Variants in CREB3L4 observed in about 807,000 individuals in gnomAD.
CREB3L4 encodes the protein cyclic AMP-responsive element-binding protein 3-like protein 4.
Under a neutral mutation model 37.0 loss-of-function variants are expected in CREB3L4, and 28 were observed. The observed-to-expected ratio is 0.76, with a 90% CI of 0.56 to 1.04. CREB3L4 has a LOEUF of 1.04. Ranked by LOEUF, CREB3L4 falls within the 50% of genes least tolerant of loss-of-function variation. The pLI is 0.00. For synonymous variants in CREB3L4, 175 were observed against 192.2 expected (o/e 0.91, Z 0.74); for missense variants, 462 against 486.0 (o/e 0.95, Z 0.46).
At position 153,974,149 on chromosome 1, in the gene CREB3L4, A is replaced by T; in HGVS notation, c.*84A>T. ...GGCTTTGCTTCCCACTGGGATTCCT[A>T]CTTAGGTGTCTGCCCTCAGGGGTCC... On this transcript the variant is annotated 3_prime_UTR_variant, in exon 10 of 10. Transcript: ENST00000368607. 1.5e-6 allele frequency: 2 copies of T among 1,351,874 alleles called. No homozygotes were observed. Among genetic ancestry groups the T allele is most frequent in the Non-Finnish European group, 2.0e-6 (2 of 980,288 alleles). The allele number at this position is 1,351,874 out of a possible 1,614,324, so 83.7% of individuals were successfully genotyped here. A position where few individuals can be genotyped will look rare whatever the true frequency, so the allele number is the denominator to read the frequency against.
rs141048946 is a variant in CREB3L4, at chr1:153,973,012, G to A, written c.677G>A (p.Arg226His). 19 of 1,614,170 alleles carry A rather than the reference G, an allele frequency of 1.2e-5. No individual in the cohort carries two copies. The African/African-American group carries it at 1.6e-4, about 14-fold the overall frequency. ...RVLKKVRRKI[R>H]NKQSAQDSRR... is the part of the protein sequence containing the mutation. ...CTCAAGAAGGTCAGGAGGAAAATCC[G>A]TAACAAGCAGTCAGCTCAGGACAGT... The change falls in exon 6 of 10, where the codon CGT (arginine) becomes CAT (histidine). Residue 226 changes from arginine to histidine, a missense_variant. By Grantham distance (29) the Arg-to-His change is conservative (BLOSUM62 0). Transcript: ENST00000368607.
At chr1:153,971,174 C>T (rs1169761717) in intron 4 of CREB3L4, among the ~76,000 whole-genome samples, 6 of 150,684 alleles carry the variant, frequency 4.0e-5, no homozygotes, top group East Asian at 2.0e-4. Flanking sequence ...TCGAGACCAG[C>T]CTGGCCAACA....
intron 4 of CREB3L4, among the ~76,000 whole-genome samples, chr1:153,971,681 C>T (rs1648396229): frequency 6.6e-6 from 1 of 150,850 alleles, no homozygotes; most frequent in African/African-American, 2.4e-5. Context: ...AGAGACACTC[C>T]TCTAATAGTT....
At position 153,972,989 on chromosome 1, in the gene CREB3L4, C is replaced by A. The variant is rs1418788395; in HGVS notation, c.654C>A (p.Leu218=). The A allele has an allele frequency of 1.2e-6, 2 of 1,613,974 alleles. No individual in the cohort carries two copies. The highest frequency in any genetic ancestry group is 1.7e-6 in the Non-Finnish European group (2 of 1,180,024). ...LPLTKAEERV[L]KKVRRKIRNK... is the part of the protein sequence containing the mutation. ...CCTCCAAGGCAGAGGAGAGGGTCCT[C>A]AAGAAGGTCAGGAGGAAAATCCGTA... The change falls in exon 6 of 10, where the codon CTC becomes CTA. Residue 218 remains leucine, a synonymous_variant. Transcript: ENST00000368607.
Position 153,972,583 on chromosome 1 carries a change from T to C in CREB3L4, c.544-161T>C, listed in dbSNP as rs538912046. On this transcript the variant is annotated intron_variant, in intron 4 of 9. Transcript: ENST00000368607. ...TCCCTTTGGCTTGATCTAGAGCCTG[T>C]CTGAATTAAAGTCTCTGCCCCTCAC... Among the ~76,000 whole-genome samples, 44 of 152,200 alleles carry C rather than the reference T, an allele frequency of 2.9e-4. No homozygotes were observed. The East Asian group carries it at 8.5e-3, about 29-fold the overall frequency.
In CREB3L4 at chr1:153,973,953, C is replaced by T; in HGVS notation, c.1076C>T (p.Pro359Leu). ...GTGGTAGAGTCCAGACTGAGGGAGC[C>T]ACCTGGAGCCAAGGATGCAAATGGC... ...TQVVESRLRE[P>L]PGAKDANGST... The change falls in exon 10 of 10, where the codon CCA (proline) becomes CTA (leucine). Residue 359 changes from proline to leucine, a missense_variant. By Grantham distance (98) the Pro-to-Leu change is moderately conservative. Coordinates refer to ENST00000368607, the MANE Select transcript of CREB3L4 (RefSeq NM_001255978.2). 6.2e-7 allele frequency: 1 copy of T among 1,614,160 alleles called. No individual in the cohort carries two copies. The highest frequency in any genetic ancestry group is 8.5e-7 in the Non-Finnish European group (1 of 1,180,010).
At chr1:153,968,744 CTG>C in intron 2 of CREB3L4, 45 bp downstream of exon 2, 3 of 1,608,896 alleles carry the variant, frequency 1.9e-6, no homozygotes, top group African/African-American at 1.3e-5. Flanking sequence ...AGACACAACT[CTG>C]TGATAAGAGG....
intron 4 of CREB3L4, 120 bp downstream of exon 4, chr1:153,969,575 C>T (rs1648143407): frequency 9.2e-6 from 11 of 1,202,132 alleles, no homozygotes; most frequent in Non-Finnish European, 7.1e-6. Context: ...GTTTTTGTGG[C>T]ATTGGGCCTG....
intron 9 of CREB3L4, 21 bp from the exon 10 acceptor site, chr1:153,973,851 C>T: frequency 6.2e-7 from 1 of 1,612,098 alleles, no homozygotes; most frequent in South Asian, 1.1e-5. Context: ...CTACTACTGC[C>T]CTCTTGCCTT....
In CREB3L4 at chr1:153,968,571, C is replaced by T. The variant is rs778294347; in HGVS notation, c.46C>T (p.Pro16Ser). ...PDLLDAWLEP[P>S]EDIFSTGSVL... The stretch of plus-strand genomic sequence containing the variant: ...CCTGCTGGACGCGTGGCTGGAGCCC[C>T]CAGAGGATATCTTCTCGACAGGATC... Residue 16 changes from proline (P) to serine (S), a missense_variant, in exon 2 of 10, where the codon CCA (proline) becomes TCA (serine). Pro to Ser is a moderately conservative substitution (Grantham distance 74). Coordinates refer to ENST00000368607, the MANE Select transcript of CREB3L4 (RefSeq NM_001255978.2). The T allele has an allele frequency of 5.0e-6, 8 of 1,614,116 alleles. No individual in the cohort carries two copies. In the Admixed American group the frequency reaches 6.7e-5, roughly 13 times the overall value.
intron 4 of CREB3L4, among the ~76,000 whole-genome samples, chr1:153,970,936 G>C (rs1488428587): frequency 6.7e-6 from 1 of 148,560 alleles, no homozygotes; most frequent in Non-Finnish European, 1.5e-5. Context: ...GTAGAGATGG[G>C]GTTTCACCAT....
In CREB3L4 at chr1:153,972,670, G is replaced by A. The variant is rs1648489309; in HGVS notation, c.544-74G>A. On this transcript the variant is annotated intron_variant, in intron 4 of 9. Transcript: ENST00000368607. Reference sequence around the variant, plus strand: ...ACACTCTCCAGAAGGCATGTGGGGGGAGTAGCCTGGGTGCTGCAAATGGGA... The same window carrying A: ...ACACTCTCCAGAAGGCATGTGGGGGAAGTAGCCTGGGTGCTGCAAATGGGA... 5.1e-6 allele frequency: 6 copies of A among 1,182,048 alleles called. No individual in the cohort carries two copies. The Admixed American group carries it at 5.7e-5, about 11-fold the overall frequency. 73.2% of individuals were successfully genotyped at this position (1,182,048 alleles called of 1,614,324 possible).
At chr1:153,971,571 TTTTC>T (rs1209042544) in intron 4 of CREB3L4, among the ~76,000 whole-genome samples, 2,048 of 135,514 alleles carry the variant, frequency 0.015, 7 homozygotes, top group Middle Eastern at 0.037. Flanking sequence ...GGCCACTCTG[TTTTC>T]TTTTTCTTTT....
intron 1 of CREB3L4, 63 bp from the exon 2 acceptor site, chr1:153,968,459 A>G: frequency 1.3e-6 from 2 of 1,487,218 alleles, no homozygotes; most frequent in East Asian, 2.3e-5. Flanking sequence ...CAGAAACTGT[A>G]GGGGGTAGTA....
At chr1:153,970,404 ACACAGAAATGGGACAGGC>A (rs1332838317) in intron 4 of CREB3L4, among the ~76,000 whole-genome samples, 1 of 152,200 alleles carries the variant, frequency 6.6e-6, no homozygotes. Context: ...TTGGGTCAGG[ACACAGAAATGGGACAGGC>A]CACCTGGGAA....
Position 153,974,089 on chromosome 1 carries a change from A to C in CREB3L4, c.*24A>C. 6.2e-7 allele frequency: 1 copy of C among 1,602,670 alleles called. No individual in the cohort carries two copies. ...GAGCTGGAACAGACCTTCCTGGCCC[A>C]CTTCCTGATCACAAGGAATCCTGGG... On this transcript the variant is annotated 3_prime_UTR_variant, in exon 10 of 10. Coordinates refer to ENST00000368607, the MANE Select transcript of CREB3L4 (RefSeq NM_001255978.2).
Position 153,969,013 on chromosome 1 carries a change from C to A in CREB3L4, c.258C>A (p.Gly86=), listed in dbSNP as rs758616713. The part of the protein sequence containing the change: ...NEVYCSEASP[G]SDSGISEDPC... ...TGTACTGCTCAGAAGCATCTCCTGG[C>A]AGTGACAGTGGCATCTCTGAGGACC... The change falls in exon 3 of 10, where the codon GGC becomes GGA. Residue 86 remains glycine, a synonymous_variant. Transcript: ENST00000368607. 6.2e-7 allele frequency: 1 copy of A among 1,614,206 alleles called. No homozygotes were observed. Among genetic ancestry groups the A allele is most frequent in the Non-Finnish European group, 8.5e-7 (1 of 1,180,020 alleles).
chr1:153,973,329 C>T (rs756941599), intron 7 of CREB3L4, 51 bp from the exon 8 acceptor site: 1 of 1,610,334 alleles, frequency 6.2e-7, no homozygotes, highest in Non-Finnish European at 8.5e-7. Flanking sequence ...GGGTGCCATT[C>T]TTGGCCCCTG....
rs1307450627 is a variant in CREB3L4, at chr1:153,968,904, A to T, written c.175-26A>T. ...GGACTTCCAAAATTCTTCCCTGCAC[A>T]TATATATAACCTTTTCCTACTGTAG... On this transcript the variant is annotated intron_variant, in intron 2 of 9. Coordinates refer to ENST00000368607, the MANE Select transcript of CREB3L4 (RefSeq NM_001255978.2). 1.0e-5 allele frequency: 16 copies of T among 1,576,486 alleles called. No homozygotes were observed. In the Admixed American group the frequency reaches 2.6e-4, roughly 25 times the overall value.
Sources: allele counts gnomAD v4.1 joint callset (sites outside exome capture counted in the v4.1 genomes callset), GRCh38; gene constraint gnomAD v4.1.1; transcripts MANE v1.5; gene names NCBI Gene and HGNC (gene_info 2026-07-23, HGNC 2026-07-21).